MCPH1: variants seen among roughly 807,000 people sequenced by gnomAD.
MCPH1 encodes microcephalin 1.
In MCPH1, 104 loss-of-function variants were observed where a neutral mutation model predicts 84.5. That is an observed-to-expected ratio of 1.23 (90% CI 1.05 to 1.45). The LOEUF (loss-of-function observed/expected upper bound fraction) is 1.45. Ranked by LOEUF, MCPH1 falls within the 40% of genes most tolerant of loss-of-function variation. The pLI is 0.00. For missense variants in MCPH1, 1,498 were observed against 1,005.7 expected (o/e 1.49, Z -6.62); for synonymous variants, 514 against 366.8 (o/e 1.40, Z -4.58).
chr8:6,575,031 A>G (rs1165271163), intron 12 of MCPH1, among the ~76,000 whole-genome samples: 5 of 152,238 alleles, frequency 3.3e-5, no homozygotes, highest in Non-Finnish European at 7.3e-5. Context: ...CTGCACAGAT[A>G]GGATTCTCAA....
At chr8:6,473,773 T>TA in intron 9 of MCPH1, 1 of 907,832 alleles carries the variant, frequency 1.1e-6, no homozygotes, top group East Asian at 2.7e-5. Context: ...TCCTGATACT[T>TA]AAACAATTTC....
intron 3 of MCPH1, among the ~76,000 whole-genome samples, chr8:6,420,991 G>A (rs7018378): frequency 0.19 from 28,462 of 152,146 alleles, 3,074 homozygotes; most frequent in Middle Eastern, 0.35. Flanking sequence ...GGGCATGGAG[G>A]TCTAATTTGA....
At chr8:6,548,627 C>G (rs1016090795) in intron 12 of MCPH1, among the ~76,000 whole-genome samples, 1 of 151,874 alleles carries the variant, frequency 6.6e-6, no homozygotes, top group South Asian at 2.1e-4. Context: ...TAATGATGGC[C>G]GTAAGTCATA....
intron 12 of MCPH1, among the ~76,000 whole-genome samples, chr8:6,610,465 T>C (rs17556107): frequency 0.16 from 24,689 of 152,252 alleles, 2,654 homozygotes; most frequent in Non-Finnish European, 0.24. Context: ...TGTCATTGCA[T>C]GCTGCTCTTT....
intron 12 of MCPH1, among the ~76,000 whole-genome samples, chr8:6,542,674 T>C (rs906945838): frequency 6.6e-6 from 1 of 152,290 alleles, no homozygotes; most frequent in Middle Eastern, 3.4e-3. Flanking sequence ...ATAAAGATAC[T>C]GATGGCCTTT....
At chr8:6,613,872 T>A (rs73184445) in intron 12 of MCPH1, among the ~76,000 whole-genome samples, 3,465 of 152,244 alleles carry the variant, frequency 0.023, 60 homozygotes, top group Non-Finnish European at 0.035. Flanking sequence ...GGGAGAAGAC[T>A]TGATGCAGAG....
chr8:6,545,996 A>G (rs1467986187), intron 12 of MCPH1, among the ~76,000 whole-genome samples: 2 of 152,260 alleles, frequency 1.3e-5, no homozygotes, highest in Non-Finnish European at 2.9e-5. Flanking sequence ...AGCCATTGTC[A>G]TTACAGATTC....
rs937205827 is a variant in MCPH1 at position 6,492,574 on chromosome 8, C to T, written c.2137-7278C>T. 3.2e-4 allele frequency among the ~76,000 whole-genome samples: 48 copies of T among 150,774 alleles called. 1 individual carries two copies. Among genetic ancestry groups the T allele is most frequent in the African/African-American group, 1.1e-3 (47 of 41,138 alleles). ...ATGCCTGTGTCCTGAATATTATTGC[C>T]AAGGTTTTCTATGCTATAGAAATAG... On this transcript the variant is annotated intron_variant, in intron 11 of 13. Transcript: ENST00000344683.
At chr8:6,427,668 T>C (rs903376449) in intron 3 of MCPH1, among the ~76,000 whole-genome samples, 5 of 152,140 alleles carry the variant, frequency 3.3e-5, no homozygotes, top group Non-Finnish European at 7.4e-5. Context: ...ATGGGAGTTA[T>C]TGCACCCGGC....
intron 13 of MCPH1, chr8:6,622,000 C>G (rs539198937): frequency 4.7e-6 from 2 of 425,764 alleles, no homozygotes; most frequent in Admixed American, 3.0e-5. Context: ...GGCACAGACT[C>G]TCCGGGCACC....
chr8:6,601,069 T>G (rs1394154742), intron 12 of MCPH1, among the ~76,000 whole-genome samples: 1 of 152,104 alleles, frequency 6.6e-6, no homozygotes, highest in Non-Finnish European at 1.5e-5. Flanking sequence ...GCTGGCTTTG[T>G]GGCCCTGCAG....
intron 11 of MCPH1, among the ~76,000 whole-genome samples, chr8:6,488,073 A>G (rs906124432): frequency 1.2e-4 from 19 of 152,230 alleles, no homozygotes; most frequent in African/African-American, 3.6e-4. Context: ...TAGAACCCAC[A>G]GAGTTTGTCT....
chr8:6,497,379 T>C (rs1039276282), intron 11 of MCPH1, among the ~76,000 whole-genome samples: 1 of 152,048 alleles, frequency 6.6e-6, no homozygotes, highest in African/African-American at 2.4e-5. Flanking sequence ...GATGTGCGCC[T>C]GTAGTCTCAG....
In MCPH1 at chr8:6,567,727, G is replaced by T. The variant is rs147654900; in HGVS notation, c.2215-53727G>T. On this transcript the variant is annotated intron_variant, in intron 12 of 13. Coordinates refer to ENST00000344683, the MANE Select transcript of MCPH1 (RefSeq NM_024596.5). ...TCCAGTAACACCACCATGCAGCCTG[G>T]GGGTCTGAGGCCACCCATCTGGGAC... 5.5e-4 allele frequency among the ~76,000 whole-genome samples: 83 copies of T among 152,248 alleles called. No homozygotes were observed. The East Asian group carries it at 0.016, about 29-fold the overall frequency.
At chr8:6,629,220 T>C (rs544228470) in intron 13 of MCPH1, among the ~76,000 whole-genome samples, 29 of 152,300 alleles carry the variant, frequency 1.9e-4, no homozygotes. Context: ...CCCAGCACTT[T>C]GGGAGGCCAG....
At chr8:6,417,945 T>C (rs1205646834) in intron 3 of MCPH1, among the ~76,000 whole-genome samples, 1 of 152,244 alleles carries the variant, frequency 6.6e-6, no homozygotes, top group Non-Finnish European at 1.5e-5. Context: ...GTTTTTGTTT[T>C]AGCAAGCAGT....
At chr8:6,534,769 C>A (rs1283715590) in intron 12 of MCPH1, among the ~76,000 whole-genome samples, 1 of 152,164 alleles carries the variant, frequency 6.6e-6, no homozygotes, top group South Asian at 2.1e-4. Context: ...TTAGCTCAGG[C>A]TTTTTAGTGT....
chr8:6,560,406 A>C (rs184049702), intron 12 of MCPH1, among the ~76,000 whole-genome samples: 1 of 152,312 alleles, frequency 6.6e-6, no homozygotes, highest in African/African-American at 2.4e-5. Context: ...AGTGTTTATT[A>C]TCACAGGTGA....
chr8:6,422,688 G>C (rs1354164741), intron 3 of MCPH1, among the ~76,000 whole-genome samples: 3 of 152,098 alleles, frequency 2.0e-5, no homozygotes, highest in Non-Finnish European at 4.4e-5. Flanking sequence ...CAAAAGCAAA[G>C]TTTTCTTTTT....
Sources: gnomAD v4.1 joint callset for allele counts (sites outside exome capture counted in the v4.1 genomes callset) on GRCh38, gnomAD v4.1.1 for gene constraint, MANE v1.5 for transcripts, NCBI Gene and HGNC (gene_info 2026-07-23, HGNC 2026-07-21) for gene names.